Variants in HS6ST1 observed in about 807,000 individuals in gnomAD.
HS6ST1 encodes the protein heparan-sulfate 6-O-sulfotransferase 1.
In HS6ST1, 3 loss-of-function variants were observed where a neutral mutation model predicts 25.2. The ratio of observed to expected loss-of-function variants is 0.12; its 90% CI spans 0.05 to 0.31. The LOEUF (loss-of-function observed/expected upper bound fraction) is 0.31, where lower values mean the gene tolerates loss of function less well. HS6ST1 is among the 10% of genes least tolerant of loss of function. The probability of loss-of-function intolerance (pLI) is 1.00; values close to 1 mark genes in which losing one functional copy is unlikely to be tolerated. For missense variants in HS6ST1, 310 were observed against 609.6 expected, an observed-to-expected ratio of 0.51 and a Z score of 5.18; for synonymous variants, 204 against 275.1, an observed-to-expected ratio of 0.74 and a Z score of 2.56.
At chr2:128,307,135 T>C (rs898612078) in intron 1 of HS6ST1, among the ~76,000 whole-genome samples, 3 of 152,096 alleles carry the variant, frequency 2.0e-5, no homozygotes, top group Non-Finnish European at 4.4e-5. Flanking sequence ...CTCCAACACA[T>C]GCGGCAAAAT....
intron 1 of HS6ST1, among the ~76,000 whole-genome samples, chr2:128,284,245 C>T (rs1034785312): frequency 3.9e-5 from 6 of 152,106 alleles, no homozygotes; most frequent in South Asian, 4.1e-4. Flanking sequence ...CTCCACCCTC[C>T]GATGGCCCGT....
Position 128,314,799 on chromosome 2 carries a change from C to T in HS6ST1, c.527+3238G>A, listed in dbSNP as rs1694337234. Among the ~76,000 whole-genome samples, 4 of 152,230 alleles carry T rather than the reference C, an allele frequency of 2.6e-5. No individual in the cohort carries two copies. The South Asian group carries it at 8.3e-4, about 31-fold the overall frequency. On this transcript the variant is annotated intron_variant, in intron 1 of 1. Coordinates refer to ENST00000259241, the MANE Select transcript of HS6ST1 (RefSeq NM_004807.3). The stretch of plus-strand genomic sequence containing the variant: ...GTCCCGGGTTCCCGGCCAAGGTGGC[C>T]CAGATGCCACACTTGGGCTCCAGAT...
intron 1 of HS6ST1, among the ~76,000 whole-genome samples, chr2:128,315,893 C>T (rs770211175): frequency 6.6e-6 from 1 of 152,354 alleles, no homozygotes; most frequent in East Asian, 1.9e-4. Context: ...AAGAGGGACT[C>T]GGAGGGTGGG....
Position 128,268,596 on chromosome 2 carries a change from T to G in HS6ST1, c.802A>C (p.Ile268Leu). 2.5e-6 allele frequency: 4 copies of G among 1,606,608 alleles called. No individual in the cohort carries two copies. The South Asian group carries it at 4.4e-5, about 18-fold the overall frequency. The part of the protein sequence containing the change: ...SLVGCYNLSF[I>L]PEGKRAQLLL... ...AGCTGGGCCCGCTTGCCCTCGGGGATGAAGGACAGGTTGTAGCAGCCCACC... is the reference window on the plus strand; with the variant it reads ...AGCTGGGCCCGCTTGCCCTCGGGGAGGAAGGACAGGTTGTAGCAGCCCACC... The change falls in exon 2 of 2, where the codon ATC (isoleucine) becomes CTC (leucine). Residue 268 changes from isoleucine (I) to leucine (L), a missense_variant. Transcript: ENST00000259241.
intron 1 of HS6ST1, among the ~76,000 whole-genome samples, chr2:128,287,648 A>AGG (rs1693884947): frequency 6.6e-6 from 1 of 152,204 alleles, no homozygotes; most frequent in East Asian, 1.9e-4. Flanking sequence ...CTCTTCAATG[A>AGG]GGGGAGAACA....
intron 1 of HS6ST1, among the ~76,000 whole-genome samples, chr2:128,291,531 G>A (rs535010108): frequency 6.6e-6 from 1 of 152,344 alleles, no homozygotes; most frequent in East Asian, 1.9e-4. Context: ...GCGTCAGCGG[G>A]AGCAGCTGGC....
At chr2:128,314,656 C>T (rs185527287) in intron 1 of HS6ST1, among the ~76,000 whole-genome samples, 206 of 152,298 alleles carry the variant, frequency 1.4e-3, no homozygotes, top group African/African-American at 4.6e-3. Flanking sequence ...GGCGAGGCTG[C>T]GGGCTCCTGC....
At chr2:128,306,777 A>G (rs2104934342) in intron 1 of HS6ST1, among the ~76,000 whole-genome samples, 1 of 152,056 alleles carries the variant, frequency 6.6e-6, no homozygotes, top group South Asian at 2.1e-4. Context: ...GGGGGTGCGA[A>G]AAGCTTTATC....
At position 128,305,352 on chromosome 2, in the gene HS6ST1, C is replaced by A. The variant is rs944035290; in HGVS notation, c.527+12685G>T. Among the ~76,000 whole-genome samples, 11 of 152,226 alleles carry A rather than the reference C, an allele frequency of 7.2e-5. No homozygotes were observed. In the East Asian group the frequency reaches 1.9e-3, roughly 27 times the overall value. ...CTGCTTGGACAGTTTTAAAGCATGA[C>A]TTGGGAGGCCTGAACTTTTGCAGGG... is the stretch of plus-strand genomic sequence containing the variant. On this transcript the variant is annotated intron_variant, in intron 1 of 1. Transcript: ENST00000259241.
At chr2:128,314,441 C>T (rs1694332772) in intron 1 of HS6ST1, among the ~76,000 whole-genome samples, 1 of 152,128 alleles carries the variant, frequency 6.6e-6, no homozygotes, top group African/African-American at 2.4e-5. Flanking sequence ...AGTCGAGGCG[C>T]CTAAGGCAAC....
At chr2:128,284,870 C>T (rs1206291020) in intron 1 of HS6ST1, among the ~76,000 whole-genome samples, 3 of 152,140 alleles carry the variant, frequency 2.0e-5, no homozygotes, top group African/African-American at 7.2e-5. Flanking sequence ...GGAGAGGGAC[C>T]CCACGGCTGC....
intron 1 of HS6ST1, among the ~76,000 whole-genome samples, chr2:128,305,416 G>A (rs1345152261): frequency 1.3e-5 from 2 of 152,212 alleles, no homozygotes; most frequent in African/African-American, 2.4e-5. Flanking sequence ...GCCTGGACTT[G>A]CGTGAGCTAA....
At chr2:128,300,473 G>C (rs1271848714) in intron 1 of HS6ST1, among the ~76,000 whole-genome samples, 1 of 152,230 alleles carries the variant, frequency 6.6e-6, no homozygotes, top group Non-Finnish European at 1.5e-5. Context: ...GTTCGCGGAG[G>C]TGTCTACCTG....
chr2:128,282,236 A>G (rs1212072362), intron 1 of HS6ST1, among the ~76,000 whole-genome samples: 1 of 152,230 alleles, frequency 6.6e-6, no homozygotes, highest in Non-Finnish European at 1.5e-5. Context: ...CTGCATAAAG[A>G]AAAAACCACC....
intron 1 of HS6ST1, among the ~76,000 whole-genome samples, chr2:128,279,386 A>G (rs1191335197): frequency 7.5e-6 from 1 of 132,844 alleles, no homozygotes; most frequent in Non-Finnish European, 1.5e-5. Context: ...TGACTCAGTT[A>G]CTGAAAGAAA....
At chr2:128,283,072 T>G (rs1363467783) in intron 1 of HS6ST1, among the ~76,000 whole-genome samples, 2 of 152,126 alleles carry the variant, frequency 1.3e-5, no homozygotes, top group Non-Finnish European at 2.9e-5. Flanking sequence ...TCCTATCAGA[T>G]CCAAGCACCT....
At chr2:128,306,934 A>C (rs1353653450) in intron 1 of HS6ST1, among the ~76,000 whole-genome samples, 4 of 151,894 alleles carry the variant, frequency 2.6e-5, no homozygotes, top group Non-Finnish European at 5.9e-5. Flanking sequence ...GCTGAGGCAC[A>C]GGGCGTGGAC....
In HS6ST1 at chr2:128,298,539, A is replaced by G. The variant is rs115300138; in HGVS notation, c.527+19498T>C. Among the ~76,000 whole-genome samples the G allele has an allele frequency of 5.7e-3, 866 of 152,318 alleles. 11 individuals are homozygous for G. Among genetic ancestry groups the G allele is most frequent in the African/African-American group, 0.019 (804 of 41,572 alleles). On this transcript the variant is annotated intron_variant, in intron 1 of 1. Coordinates refer to ENST00000259241, the MANE Select transcript of HS6ST1 (RefSeq NM_004807.3). ...GATAAAATATGGATGAACCTTAAAGACATTATGCTAAGCCAGTCGTGAAAA... is the reference window on the plus strand; with the variant it reads ...GATAAAATATGGATGAACCTTAAAGGCATTATGCTAAGCCAGTCGTGAAAA...
intron 1 of HS6ST1, among the ~76,000 whole-genome samples, chr2:128,292,311 G>C (rs1419540507): frequency 1.3e-5 from 2 of 152,216 alleles, no homozygotes; most frequent in East Asian, 3.9e-4. Context: ...CCCTGGCTTG[G>C]AGCGGCTTTA....
Sources: allele counts gnomAD v4.1 joint callset (sites outside exome capture counted in the v4.1 genomes callset), GRCh38; gene constraint gnomAD v4.1.1; transcripts MANE v1.5; gene names NCBI Gene and HGNC (gene_info 2026-07-23, HGNC 2026-07-21).